EBF2: variants seen among roughly 807,000 people sequenced by gnomAD.
EBF2 encodes the protein transcription factor COE2.
EBF2 carries 21 observed loss-of-function variants against 72.8 expected under a neutral mutation model. The observed-to-expected ratio is 0.29, with a 90% CI of 0.20 to 0.42. EBF2 has a LOEUF of 0.42. Among genes scored for constraint, EBF2 ranks in the 10% least tolerant of loss-of-function variants. The pLI is 1.00. For synonymous variants in EBF2, 299 were observed against 274.2 expected (o/e 1.09, Z -0.89); for missense variants, 637 against 731.2 (o/e 0.87, Z 1.49).
At chr8:26,025,664 T>G (rs533225534) in intron 6 of EBF2, among the ~76,000 whole-genome samples, 1 of 152,154 alleles carries the variant, frequency 6.6e-6, no homozygotes. Flanking sequence ...TGTCCTCCAA[T>G]GAAGAGCTTC....
chr8:25,965,928 G>A (rs144167309), intron 6 of EBF2, among the ~76,000 whole-genome samples: 105 of 152,358 alleles, frequency 6.9e-4, no homozygotes, highest in South Asian at 6.4e-3. Context: ...AGCAAAGTGC[G>A]TCCTGCCCTC....
At chr8:25,869,475 A>C in intron 10 of EBF2, among the ~76,000 whole-genome samples, 1 of 152,192 alleles carries the variant, frequency 6.6e-6, no homozygotes, top group South Asian at 2.1e-4. Flanking sequence ...ATGATGCAAA[A>C]TTTCTGGGAT....
chr8:25,866,378 G>A (rs1802315952), intron 10 of EBF2, among the ~76,000 whole-genome samples: 2 of 147,786 alleles, frequency 1.4e-5, no homozygotes. Flanking sequence ...AGGACTTCTT[G>A]GAGTTTTAGA....
intron 2 of EBF2, 93 bp downstream of exon 2, chr8:26,042,002 G>A: frequency 6.6e-7 from 1 of 1,525,112 alleles, no homozygotes. Context: ...TGGTGAGAGT[G>A]GAAAAGTGTC....
chr8:26,000,317 G>A (rs539645500), intron 6 of EBF2, among the ~76,000 whole-genome samples: 10 of 152,216 alleles, frequency 6.6e-5, no homozygotes, highest in African/African-American at 1.9e-4. Context: ...CATCAATATC[G>A]CTAAGTGGCC....
At chr8:25,946,855 T>C (rs975996002) in intron 6 of EBF2, among the ~76,000 whole-genome samples, 11 of 152,360 alleles carry the variant, frequency 7.2e-5, no homozygotes, top group African/African-American at 2.6e-4. Context: ...CATGATATTA[T>C]AGGACACACT....
In EBF2 at chr8:25,879,814, T is replaced by G. The variant is rs1585273117; in HGVS notation, c.1009+6941A>C. ...GTCTAGAGTATCCTGCAGTAGTATC[T>G]TAGAAAGTCTCCATTGTCTTTGAAT... On this transcript the variant is annotated intron_variant, in intron 10 of 15. Coordinates refer to ENST00000520164, the MANE Select transcript of EBF2 (RefSeq NM_022659.4). Among the ~76,000 whole-genome samples, 5 of 152,324 alleles carry G rather than the reference T, an allele frequency of 3.3e-5. 1 individual carries two copies. The South Asian group carries it at 1.0e-3, about 32-fold the overall frequency.
rs1384895096 is a variant in EBF2 at position 25,886,766 on chromosome 8, A to C, written c.998T>G (p.Phe333Cys). The C allele has an allele frequency of 1.2e-6, 2 of 1,609,722 alleles. No individual in the cohort carries two copies. Residue 333 changes from phenylalanine (F) to cysteine (C), a missense_variant, in exon 10 of 16, where the codon TTC becomes TGC. By Grantham distance (205) the Phe-to-Cys change is radical. Coordinates refer to ENST00000520164, the MANE Select transcript of EBF2 (RefSeq NM_022659.4). The stretch of plus-strand genomic sequence containing the variant: ...GTTTTCTCACCTACCTGTGTAAATG[A>C]ACCTTCCTGGGGCTCCTTTGCAGAA... ...KQFCKGAPGR[F>C]IYTALNEPTI...
At chr8:26,014,080 C>T (rs1805070078) in intron 6 of EBF2, among the ~76,000 whole-genome samples, 1 of 152,110 alleles carries the variant, frequency 6.6e-6, no homozygotes, top group South Asian at 2.1e-4. Flanking sequence ...TTGACTTCTA[C>T]ATTTATGAAT....
intron 7 of EBF2, among the ~76,000 whole-genome samples, chr8:25,902,432 G>T (rs1402079779): frequency 1.3e-5 from 2 of 152,038 alleles, no homozygotes; most frequent in Non-Finnish European, 2.9e-5. Flanking sequence ...ACTTTGAGGA[G>T]CCCTGGAAAT....
intron 6 of EBF2, among the ~76,000 whole-genome samples, chr8:25,910,334 C>T (rs1803106116): frequency 6.6e-6 from 1 of 152,132 alleles, no homozygotes; most frequent in Admixed American, 6.5e-5. Context: ...ACAATAGCCC[C>T]CGCTGCACCC....
intron 10 of EBF2, among the ~76,000 whole-genome samples, chr8:25,885,962 A>G (rs575919380): frequency 9.9e-5 from 15 of 152,266 alleles, no homozygotes; most frequent in African/African-American, 3.6e-4. Flanking sequence ...TCCTGCAGGA[A>G]TGTGCTCACC....
chr8:26,010,114 G>A (rs1804952250), intron 6 of EBF2, among the ~76,000 whole-genome samples: 1 of 152,196 alleles, frequency 6.6e-6, no homozygotes, highest in Non-Finnish European at 1.5e-5. Flanking sequence ...GGAGCCTGAG[G>A]TCATGGAGTC....
intron 6 of EBF2, among the ~76,000 whole-genome samples, chr8:25,968,099 A>G (rs929515356): frequency 2.6e-5 from 4 of 152,070 alleles, no homozygotes; most frequent in African/African-American, 9.7e-5. Context: ...TTTTCTGCAC[A>G]TAGGTGGGCT....
intron 6 of EBF2, among the ~76,000 whole-genome samples, chr8:25,932,964 T>C (rs899877936): frequency 2.0e-5 from 3 of 152,182 alleles, no homozygotes; most frequent in Admixed American, 2.0e-4. Flanking sequence ...GCAAAATTAT[T>C]TGAATACCAA....
At chr8:25,898,449 T>C (rs1333600590) in intron 7 of EBF2, among the ~76,000 whole-genome samples, 2 of 136,366 alleles carry the variant, frequency 1.5e-5, no homozygotes, top group Admixed American at 1.5e-4. Flanking sequence ...CCAGTGGCAA[T>C]TAAAAAAAAA....
chr8:25,923,544 T>C (rs1003211699), intron 6 of EBF2, among the ~76,000 whole-genome samples: 3 of 152,222 alleles, frequency 2.0e-5, no homozygotes, highest in African/African-American at 7.2e-5. Context: ...AAAAGCAGAT[T>C]TCGTCACTCC....
chr8:25,877,814 CG>C (rs1802547967), intron 10 of EBF2, among the ~76,000 whole-genome samples: 1 of 152,014 alleles, frequency 6.6e-6, no homozygotes, highest in Non-Finnish European at 1.5e-5. Flanking sequence ...AACCCTCCCA[CG>C]GGTGGAGTGC....
At chr8:25,932,162 A>G (rs530225436) in intron 6 of EBF2, among the ~76,000 whole-genome samples, 1 of 152,236 alleles carries the variant, frequency 6.6e-6, no homozygotes, top group African/African-American at 2.4e-5. Flanking sequence ...CCAGAACTGC[A>G]CATAACTAGC....
Sources: gnomAD v4.1 joint callset for allele counts (sites outside exome capture counted in the v4.1 genomes callset) on GRCh38, gnomAD v4.1.1 for gene constraint, MANE v1.5 for transcripts, NCBI Gene and HGNC (gene_info 2026-07-23, HGNC 2026-07-21) for gene names.